The following SORCS3 variants were observed in gnomAD, a reference collection of about 807,000 sequenced individuals.
SORCS3 encodes VPS10 domain-containing receptor SorCS3.
Under a neutral mutation model 146.3 loss-of-function variants are expected in SORCS3, and 57 were observed. The observed-to-expected ratio is 0.39, with a 90% CI of 0.31 to 0.49. The LOEUF (loss-of-function observed/expected upper bound fraction) is 0.49. Ranked by LOEUF, SORCS3 falls within the 20% of genes least tolerant of loss-of-function variation. The pLI is 0.92. For synonymous variants in SORCS3, 653 were observed against 618.5 expected, an observed-to-expected ratio of 1.06 and a Z score of -0.83; for missense variants, 1,341 against 1,575.5, an observed-to-expected ratio of 0.85 and a Z score of 2.52.
chr10:105,028,830 A>G (rs1271287593), intron 4 of SORCS3, among the ~76,000 whole-genome samples: 1 of 152,176 alleles, frequency 6.6e-6, no homozygotes, highest in Non-Finnish European at 1.5e-5. Flanking sequence ...ATGCAAAACC[A>G]AGCCAGGAGG....
At chr10:105,259,031 T>G (rs1436602091) in intron 25 of SORCS3, among the ~76,000 whole-genome samples, 1 of 152,160 alleles carries the variant, frequency 6.6e-6, no homozygotes, top group Non-Finnish European at 1.5e-5. Flanking sequence ...ACCCCAGTAA[T>G]GGCAACATGG....
chr10:104,656,651 G>C (rs1303890830), intron 1 of SORCS3, among the ~76,000 whole-genome samples: 2 of 151,718 alleles, frequency 1.3e-5, no homozygotes, highest in African/African-American at 4.8e-5. Context: ...ATGACAGAGT[G>C]AGACCTTGTT....
At chr10:104,796,022 T>C (rs1176788521) in intron 1 of SORCS3, among the ~76,000 whole-genome samples, 1 of 152,226 alleles carries the variant, frequency 6.6e-6, no homozygotes, top group African/African-American at 2.4e-5. Context: ...AGCTGTCATG[T>C]GTCTTTGGCT....
chr10:105,193,063 A>G (rs567401273), intron 14 of SORCS3, among the ~76,000 whole-genome samples: 1 of 152,280 alleles, frequency 6.6e-6, no homozygotes, highest in African/African-American at 2.4e-5. Flanking sequence ...ATAGAATTCT[A>G]ATGAGGTCTT....
chr10:105,088,877 GA>G (rs1266832870), intron 5 of SORCS3, among the ~76,000 whole-genome samples: 2 of 152,182 alleles, frequency 1.3e-5, no homozygotes, highest in African/African-American at 2.4e-5. Context: ...CTGAAGACTG[GA>G]AAACCAGAAT....
chr10:104,887,905 A>G (rs762127729), intron 2 of SORCS3, among the ~76,000 whole-genome samples: 5 of 138,252 alleles, frequency 3.6e-5, no homozygotes, highest in Admixed American at 7.5e-5. Flanking sequence ...CACATTTAGT[A>G]TAAGACCAGT....
At chr10:105,247,895 C>A (rs1157872800) in intron 22 of SORCS3, among the ~76,000 whole-genome samples, 1 of 152,130 alleles carries the variant, frequency 6.6e-6, no homozygotes, top group Non-Finnish European at 1.5e-5. Context: ...GGGCTTGATC[C>A]CTTTAATGCA....
chr10:104,641,979 C>A lies in SORCS3; in HGVS notation c.627+25C>A. Reference sequence around the variant, plus strand: ...CGTGAGTACCCACCCGGCGGCGGGTCCGCCTGTTTCCTGACACCGAAGGGG... The same window carrying A: ...CGTGAGTACCCACCCGGCGGCGGGTACGCCTGTTTCCTGACACCGAAGGGG... On this transcript the variant is annotated intron_variant, in intron 1 of 26. Transcript: ENST00000369701. The surrounding 1 kb of genome is among the most constrained non-coding windows in gnomAD (Gnocchi z 6.4). 3.1e-6 allele frequency: 4 copies of A among 1,280,374 alleles called. No homozygotes were observed. The highest frequency in any genetic ancestry group is 1.2e-5 in the South Asian group (1 of 82,236). 79.3% of individuals were successfully genotyped at this position (1,280,374 alleles called of 1,614,324 possible).
At chr10:104,986,874 T>A (rs888185952) in intron 4 of SORCS3, among the ~76,000 whole-genome samples, 7 of 152,172 alleles carry the variant, frequency 4.6e-5, no homozygotes, top group African/African-American at 1.7e-4. Context: ...CAGATCATCA[T>A]AACAGATATA....
chr10:105,019,918 G>T (rs2055189002), intron 4 of SORCS3, among the ~76,000 whole-genome samples: 1 of 152,178 alleles, frequency 6.6e-6, no homozygotes, highest in South Asian at 2.1e-4. Flanking sequence ...CTGGACTGAG[G>T]TTGCAGATGA....
At chr10:105,048,062 AG>A (rs1323177408) in intron 5 of SORCS3, among the ~76,000 whole-genome samples, 3 of 152,024 alleles carry the variant, frequency 2.0e-5, no homozygotes, top group Admixed American at 2.0e-4. Context: ...GTGGAGAAAT[AG>A]GAACACTTTT....
At chr10:104,696,876 G>A (rs538981444) in intron 1 of SORCS3, among the ~76,000 whole-genome samples, 14 of 148,100 alleles carry the variant, frequency 9.5e-5, no homozygotes, top group East Asian at 5.9e-4. Flanking sequence ...GAAATAAGCC[G>A]GACACAGAAA....
At chr10:104,819,990 G>A (rs2017854451) in intron 1 of SORCS3, among the ~76,000 whole-genome samples, 1 of 152,188 alleles carries the variant, frequency 6.6e-6, no homozygotes, top group Admixed American at 6.5e-5. Flanking sequence ...TTGAGGTTGA[G>A]TCTCTGATCT....
At chr10:105,226,243 T>C (rs1355994170) in intron 20 of SORCS3, among the ~76,000 whole-genome samples, 1 of 151,954 alleles carries the variant, frequency 6.6e-6, no homozygotes, top group African/African-American at 2.4e-5. Context: ...TCTATGCTGG[T>C]TTTTTGAGAC....
chr10:105,019,201 C>T (rs1246102631), intron 4 of SORCS3, among the ~76,000 whole-genome samples: 2 of 152,174 alleles, frequency 1.3e-5, no homozygotes, highest in Non-Finnish European at 2.9e-5. Context: ...GACCCTTCTT[C>T]AGAAGCCATT....
chr10:104,744,132 G>A (rs2016881450), intron 1 of SORCS3, among the ~76,000 whole-genome samples: 1 of 152,198 alleles, frequency 6.6e-6, no homozygotes, highest in Non-Finnish European at 1.5e-5. Context: ...GCAGGAGAAT[G>A]ATGGAGCAGA....
chr10:105,189,436 G>A (rs2056499524), intron 14 of SORCS3, among the ~76,000 whole-genome samples: 1 of 152,304 alleles, frequency 6.6e-6, no homozygotes, highest in African/African-American at 2.4e-5. Context: ...GTGCACATCT[G>A]TAGTTACAGA....
At chr10:105,127,964 T>G (rs139917595) in intron 7 of SORCS3, among the ~76,000 whole-genome samples, 2 of 152,200 alleles carry the variant, frequency 1.3e-5, no homozygotes, top group African/African-American at 4.8e-5. Flanking sequence ...GTAGACACTT[T>G]AGGCTCATTC....
At chr10:104,647,595 G>T (rs896160788) in intron 1 of SORCS3, among the ~76,000 whole-genome samples, 1 of 152,084 alleles carries the variant, frequency 6.6e-6, no homozygotes, top group African/African-American at 2.4e-5. Context: ...CTTCTCATCC[G>T]TGCCTGGCAG....
Sources: allele counts gnomAD v4.1 joint callset (sites outside exome capture counted in the v4.1 genomes callset), GRCh38; gene constraint gnomAD v4.1.1; non-coding constraint Gnocchi (gnomAD v3.1); transcripts MANE v1.5; gene names NCBI Gene and HGNC (gene_info 2026-07-23, HGNC 2026-07-21).